Variants in NOTCH2 observed in about 807,000 individuals in gnomAD.
NOTCH2 encodes the protein neurogenic locus notch homolog protein 2.
Under a neutral mutation model 235.8 loss-of-function variants are expected in NOTCH2, and 29 were observed. The ratio of observed to expected loss-of-function variants is 0.12; its 90% CI spans 0.09 to 0.17. The LOEUF (loss-of-function observed/expected upper bound fraction) is 0.17, where lower values mean the gene tolerates loss of function less well. Among genes scored for constraint, NOTCH2 ranks in the 10% least tolerant of loss-of-function variants. NOTCH2 has a pLI of 1.00. For missense variants in NOTCH2, 2,285 were observed against 3,150.2 expected, an observed-to-expected ratio of 0.73 and a Z score of 6.57; for synonymous variants, 1,086 against 1,141.5, an observed-to-expected ratio of 0.95 and a Z score of 0.98.
intron 6 of NOTCH2, among the ~76,000 whole-genome samples, chr1:119,968,520 G>A (rs1553199988): frequency 6.6e-6 from 1 of 152,168 alleles, no homozygotes; most frequent in Non-Finnish European, 1.5e-5. Context: ...ACAGGAAAGT[G>A]GAGCTATCTT....
In NOTCH2 at chr1:119,922,241, C is replaced by T. The variant is rs2101154160; in HGVS notation, c.5208G>A (p.Gly1736=). ...RREPVGQDAV[G]LKNLSVQVSE... is the part of the protein sequence containing the mutation. Reference sequence around the variant, plus strand: ...TTATTGGCAATGCCTCTTACTTCAGCCCCACAGCATCCTGTCCCACTGGCT... The same window carrying T: ...TTATTGGCAATGCCTCTTACTTCAGTCCCACAGCATCCTGTCCCACTGGCT... Residue 1736 remains glycine, a synonymous_variant, in exon 28 of 34, where the codon GGG becomes GGA. Coordinates refer to ENST00000256646, the MANE Select transcript of NOTCH2 (RefSeq NM_024408.4). 2 of 1,613,850 alleles carry T rather than the reference C, an allele frequency of 1.2e-6. No homozygotes were observed. The highest frequency in any genetic ancestry group is 1.7e-6 in the Non-Finnish European group (2 of 1,179,886).
chr1:119,983,153 A>T (rs1382860802), intron 5 of NOTCH2, among the ~76,000 whole-genome samples: 1 of 152,132 alleles, frequency 6.6e-6, no homozygotes, highest in Non-Finnish European at 1.5e-5. Flanking sequence ...GCATCTAATC[A>T]ATATTTAAAC....
intron 2 of NOTCH2, among the ~76,000 whole-genome samples, chr1:120,024,021 G>A (rs1653744306): frequency 6.6e-6 from 1 of 151,936 alleles, no homozygotes; most frequent in Admixed American, 6.6e-5. Context: ...ATTACTCTAT[G>A]AGAGGTATTT....
intron 31 of NOTCH2, 138 bp from the exon 32 acceptor site, chr1:119,918,691 G>T: frequency 2.5e-6 from 2 of 803,474 alleles, no homozygotes; most frequent in Non-Finnish European, 2.1e-6. Context: ...TTATCTTTGT[G>T]CCCAAGATTC....
At chr1:119,966,292 C>A in intron 9 of NOTCH2, 84 bp downstream of exon 9, 1 of 895,774 alleles carries the variant, frequency 1.1e-6, no homozygotes, top group Non-Finnish European at 1.9e-6. Flanking sequence ...GCACAGCCCA[C>A]ACACATTCTC....
At chr1:119,977,000 C>G (rs1180783777) in intron 5 of NOTCH2, among the ~76,000 whole-genome samples, 1 of 152,048 alleles carries the variant, frequency 6.6e-6, no homozygotes, top group African/African-American at 2.4e-5. Flanking sequence ...TCCTGCAAGG[C>G]ATTTAGTACA....
chr1:119,929,431 C>T (rs1355882053), intron 22 of NOTCH2, among the ~76,000 whole-genome samples: 2 of 152,148 alleles, frequency 1.3e-5, no homozygotes, highest in African/African-American at 2.4e-5. Context: ...ACTAGGGCTC[C>T]GCATGTACTC....
intron 17 of NOTCH2, among the ~76,000 whole-genome samples, chr1:119,947,686 C>T (rs1443630263): frequency 6.6e-6 from 1 of 152,188 alleles, no homozygotes; most frequent in Non-Finnish European, 1.5e-5. Context: ...AACCATATGT[C>T]CACACAAAGA....
intron 17 of NOTCH2, among the ~76,000 whole-genome samples, 192 bp from the exon 18 acceptor site, chr1:119,941,946 T>C (rs1650079499): frequency 6.6e-6 from 1 of 152,224 alleles, no homozygotes; most frequent in Non-Finnish European, 1.5e-5. Context: ...ACCTGTTTAT[T>C]AATTGGAATA....
In NOTCH2 at chr1:119,984,960, G is replaced by A. The variant is rs587595645; in HGVS notation, c.874+2000C>T. 1.2e-3 allele frequency among the ~76,000 whole-genome samples: 187 copies of A among 152,234 alleles called. 3 individuals carry two copies. Among genetic ancestry groups the A allele is most frequent in the African/African-American group, 4.2e-3 (175 of 41,524 alleles). On this transcript the variant is annotated intron_variant, in intron 5 of 33. Coordinates refer to ENST00000256646, the MANE Select transcript of NOTCH2 (RefSeq NM_024408.4). ...CAAAAATGATGAGAAAAATGGGGGA[G>A]GAGTGGAGAAGGAAACCCTAGAGAA...
chr1:119,999,979 G>GAAA (rs1557840295), intron 3 of NOTCH2, among the ~76,000 whole-genome samples: 126 of 88,332 alleles, frequency 1.4e-3, no homozygotes, highest in South Asian at 5.1e-3. Context: ...AAGAAAGAAA[G>GAAA]GAAGGAAGGA....
rs1327340757 is a variant in NOTCH2, at chr1:119,913,506, G to T, written c.*1800C>A. 8.6e-6 allele frequency: 2 copies of T among 233,128 alleles called. No individual in the cohort carries two copies. The highest frequency in any genetic ancestry group is 4.4e-5 in the African/African-American group (2 of 45,326). The allele number at this position is 233,128 out of a possible 1,614,324, so 14.4% of individuals were successfully genotyped here. A position where few individuals can be genotyped will look rare whatever the true frequency, so the allele number is the denominator to read the frequency against. ...AGAACTTATTTTGCAGGTGTCATGG[G>T]CATCACAGCACTGGACGGAAGTTGC... On this transcript the variant is annotated 3_prime_UTR_variant, in exon 34 of 34. Transcript: ENST00000256646.
chr1:119,936,715 G>A (rs1401511097), intron 21 of NOTCH2, among the ~76,000 whole-genome samples: 1 of 152,110 alleles, frequency 6.6e-6, no homozygotes, highest in Non-Finnish European at 1.5e-5. Flanking sequence ...AATGTCTCAG[G>A]CATTTTGCTA....
At chr1:119,991,826 CAAA>C (rs782061351) in intron 4 of NOTCH2, among the ~76,000 whole-genome samples, 1 of 95,316 alleles carries the variant, frequency 1.0e-5, no homozygotes. Flanking sequence ...TGCTCCGTCT[CAAA>C]AAAAAAAAAA....
intron 5 of NOTCH2, among the ~76,000 whole-genome samples, chr1:119,972,876 G>A (rs1553200535): frequency 6.6e-6 from 1 of 152,162 alleles, no homozygotes; most frequent in Admixed American, 6.5e-5. Context: ...CATGTCTCGG[G>A]CTTCCCAAGG....
At chr1:119,999,932 AAAG>A (rs1652655093) in intron 3 of NOTCH2, among the ~76,000 whole-genome samples, 3 of 96,370 alleles carry the variant, frequency 3.1e-5, no homozygotes, top group Non-Finnish European at 6.0e-5. Flanking sequence ...AGAAAGAAAG[AAAG>A]AAAGAAAGAA....
At chr1:119,930,588 G>GC (rs1275066387) in intron 22 of NOTCH2, among the ~76,000 whole-genome samples, 2 of 151,042 alleles carry the variant, frequency 1.3e-5, no homozygotes, top group African/African-American at 4.9e-5. Context: ...AGACCAATCT[G>GC]CCCAACACAG....
rs782117632 is a variant in NOTCH2 at position 120,015,940 on chromosome 1, AC to A, written c.156-10353del. On this transcript the variant is annotated intron_variant, in intron 2 of 33. Coordinates refer to ENST00000256646, the MANE Select transcript of NOTCH2 (RefSeq NM_024408.4). ...TCTTGCCATTCCCACTCTACTCTCA[AC>A]CCCCCCTTCTCTCAAAAAAAAAAGA... is the stretch of plus-strand genomic sequence containing the variant. Among the ~76,000 whole-genome samples the A allele has an allele frequency of 2.4e-3, 276 of 117,394 alleles. 1 individual carries two copies. The highest frequency in any genetic ancestry group is 8.9e-3 in the African/African-American group (266 of 29,900). 77.0% of individuals were successfully genotyped at this position (117,394 alleles called of 152,430 possible). A position where few individuals can be genotyped will look rare whatever the true frequency, so the allele number is the denominator to read the frequency against.
chr1:119,967,735 A>G, intron 7 of NOTCH2, 114 bp from the exon 8 acceptor site: 1 of 901,574 alleles, frequency 1.1e-6, no homozygotes, highest in Non-Finnish European at 1.8e-6. Context: ...CAATAATATC[A>G]TTCCCAATTT....
Sources: allele counts gnomAD v4.1 joint callset (sites outside exome capture counted in the v4.1 genomes callset), GRCh38; gene constraint gnomAD v4.1.1; transcripts MANE v1.5; gene names NCBI Gene and HGNC (gene_info 2026-07-23, HGNC 2026-07-21).